SLC1A1: variants seen among roughly 807,000 people sequenced by gnomAD.
The protein encoded by SLC1A1 is excitatory amino acid transporter 3.
Under a neutral mutation model 53.3 loss-of-function variants are expected in SLC1A1, and 43 were observed. The observed-to-expected ratio is 0.81, with a 90% CI of 0.63 to 1.04. The LOEUF is 1.04. SLC1A1 is among the 50% of genes least tolerant of loss of function. The pLI, the probability that SLC1A1 is intolerant of heterozygous loss-of-function variation, is 0.00. For missense variants in SLC1A1, 748 were observed against 664.9 expected, an observed-to-expected ratio of 1.12 and a Z score of -1.37; for synonymous variants, 307 against 243.2, an observed-to-expected ratio of 1.26 and a Z score of -2.44.
At chr9:4,530,140 G>T (rs951578264) in intron 1 of SLC1A1, among the ~76,000 whole-genome samples, 2 of 152,054 alleles carry the variant, frequency 1.3e-5, no homozygotes, top group Non-Finnish European at 2.9e-5. Context: ...GGAAGGAGGA[G>T]GTTTGTGGAG....
intron 11 of SLC1A1, among the ~76,000 whole-genome samples, chr9:4,584,711 A>G (rs1208166491): frequency 6.6e-6 from 1 of 152,148 alleles, no homozygotes; most frequent in African/African-American, 2.4e-5. Context: ...GCTCTCTGGA[A>G]ATTAAGACTG....
At chr9:4,580,599 ATATGTGTGTGTGTGTGTG>A (rs1392533578) in intron 10 of SLC1A1, among the ~76,000 whole-genome samples, 2 of 51,052 alleles carry the variant, frequency 3.9e-5, no homozygotes, top group African/African-American at 8.2e-5. Flanking sequence ...AAAAAAATAT[ATATGTGTGTGTGTGTGTG>A]TGTGTGTGTG....
chr9:4,555,159 T>C (rs965950966), intron 2 of SLC1A1, among the ~76,000 whole-genome samples: 1 of 152,246 alleles, frequency 6.6e-6, no homozygotes, highest in Non-Finnish European at 1.5e-5. Context: ...GCCTTCTCTC[T>C]GCACAGGTGG....
chr9:4,550,985 G>A (rs1387900304), intron 2 of SLC1A1, among the ~76,000 whole-genome samples: 1 of 152,172 alleles, frequency 6.6e-6, no homozygotes, highest in Non-Finnish European at 1.5e-5. Flanking sequence ...CCAGCCAGGA[G>A]CTGACCCCTG....
intron 1 of SLC1A1, among the ~76,000 whole-genome samples, chr9:4,532,889 A>AG (rs1222785718): frequency 6.6e-6 from 1 of 152,224 alleles, no homozygotes; most frequent in East Asian, 1.9e-4. Context: ...ACAAGCCAGA[A>AG]GAGAGTGGGG....
At chr9:4,514,898 TTTACATTACA>T (rs1329522543) in intron 1 of SLC1A1, among the ~76,000 whole-genome samples, 1 of 152,146 alleles carries the variant, frequency 6.6e-6, no homozygotes, top group African/African-American at 2.4e-5. Flanking sequence ...CATCACTCAC[TTTACATTACA>T]TTACATTACT....
At position 4,549,794 on chromosome 9, in the gene SLC1A1, CTGGGTT is replaced by C. The variant is rs1817778647; in HGVS notation, c.232+5088_232+5093del. 7.2e-5 allele frequency among the ~76,000 whole-genome samples: 11 copies of C among 152,246 alleles called. No individual in the cohort carries two copies. The South Asian group carries it at 2.3e-3, about 32-fold the overall frequency. On this transcript the variant is annotated intron_variant, in intron 2 of 11. Transcript: ENST00000262352. The surrounding 1 kb of genome is among the most constrained non-coding windows in gnomAD (Gnocchi z 4.1). Reference sequence around the variant, plus strand: ...CATAGACTCCATACCATAGTACCTGCTGGGTTATTGCAACCACCCTGCTTGTAGAAC... The same window carrying C: ...CATAGACTCCATACCATAGTACCTGCATTGCAACCACCCTGCTTGTAGAAC...
intron 1 of SLC1A1, among the ~76,000 whole-genome samples, chr9:4,537,277 C>CTACAACATGGATGTACCTTGAAAACAT (rs1586725300): frequency 8.4e-5 from 10 of 119,504 alleles, no homozygotes; most frequent in South Asian, 2.3e-4. Flanking sequence ...AAATCACATG[C>CTACAACATGGATGTACCTTGAAAACAT]GGCCGGGCGC....
At chr9:4,509,120 G>A (rs1222843349) in intron 1 of SLC1A1, among the ~76,000 whole-genome samples, 2 of 152,134 alleles carry the variant, frequency 1.3e-5, no homozygotes, top group Non-Finnish European at 2.9e-5. Flanking sequence ...CAGAGATAGT[G>A]GCAAAGGGCT....
intron 1 of SLC1A1, among the ~76,000 whole-genome samples, chr9:4,501,356 G>A (rs1820625118): frequency 6.6e-6 from 1 of 151,310 alleles, no homozygotes. Context: ...CTTTGGGACT[G>A]GAACTTGGCT....
intron 1 of SLC1A1, among the ~76,000 whole-genome samples, chr9:4,526,148 C>G (rs931684849): frequency 6.6e-6 from 1 of 151,846 alleles, no homozygotes; most frequent in Non-Finnish European, 1.5e-5. Context: ...AACAAAAAAA[C>G]TCACAAAGAT....
In SLC1A1 at chr9:4,544,656, C is replaced by T. The variant is rs753768845; in HGVS notation, c.181C>T (p.Arg61Trp). The T allele has an allele frequency of 3.1e-6, 5 of 1,613,190 alleles. No individual in the cohort carries two copies. The highest frequency in any genetic ancestry group is 3.3e-5 in the Admixed American group (2 of 60,022). Residue 61 changes from arginine to tryptophan, a missense_variant, in exon 2 of 12, where the codon CGG becomes TGG. Physicochemically the swap from Arg to Trp is moderately radical, Grantham distance 101. Transcript: ENST00000262352. ...YFAFPGEILM[R>W]MLKLIILPLI... ...TGCTTTTCCTGGAGAAATTCTAATGCGGATGCTGAAACTCATCATTTTGCC... is the reference window on the plus strand; with the variant it reads ...TGCTTTTCCTGGAGAAATTCTAATGTGGATGCTGAAACTCATCATTTTGCC...
chr9:4,563,148 A>AAG (rs570080635), intron 3 of SLC1A1, among the ~76,000 whole-genome samples: 139 of 149,448 alleles, frequency 9.3e-4, no homozygotes, highest in Non-Finnish European at 1.8e-3. Flanking sequence ...GAGAGAGAGA[A>AAG]AAAAAAAAAA....
At chr9:4,490,843 G>A (rs756279774) in intron 1 of SLC1A1, 73 bp downstream of exon 1, 2 of 1,316,892 alleles carry the variant, frequency 1.5e-6, no homozygotes, top group African/African-American at 2.9e-5. Context: ...TGCGGCTGAG[G>A]GTGGGCTTGG....
chr9:4,548,285 G>A (rs1408176723), intron 2 of SLC1A1, among the ~76,000 whole-genome samples: 1 of 152,140 alleles, frequency 6.6e-6, no homozygotes, highest in Non-Finnish European at 1.5e-5. Context: ...AAAACACACA[G>A]GAAGGGCCAT....
rs113040087 is a variant in SLC1A1 at position 4,556,769 on chromosome 9, T to G, written c.233-4680T>G. 0.015 allele frequency among the ~76,000 whole-genome samples: 2,325 copies of G among 152,192 alleles called. 32 individuals carry two copies. Among genetic ancestry groups the G allele is most frequent in the Non-Finnish European group, 0.023 (1,538 of 68,010 alleles). On this transcript the variant is annotated intron_variant, in intron 2 of 11. Transcript: ENST00000262352. This position sits in a 1 kb window ranked among gnomAD's most constrained non-coding sequence, Gnocchi z 4.1. Reference sequence around the variant, plus strand: ...CCAAGGCAGCAAAAGCTGTTTTTATTTGGTGGTGGTGAGTTGGGGGAGAAA... The same window carrying G: ...CCAAGGCAGCAAAAGCTGTTTTTATGTGGTGGTGGTGAGTTGGGGGAGAAA...
chr9:4,497,806 T>C (rs546579786), intron 1 of SLC1A1, among the ~76,000 whole-genome samples: 1 of 152,222 alleles, frequency 6.6e-6, no homozygotes, highest in South Asian at 2.1e-4. Flanking sequence ...CTTAACTGTT[T>C]TTTTAATTTT....
intron 1 of SLC1A1, among the ~76,000 whole-genome samples, chr9:4,534,767 T>C (rs1434999619): frequency 6.6e-6 from 1 of 152,062 alleles, no homozygotes; most frequent in Admixed American, 6.6e-5. Flanking sequence ...AAGAGAATTT[T>C]AGACCAATAT....
At chr9:4,567,625 A>T (rs778099740) in intron 5 of SLC1A1, 44 bp from the exon 6 acceptor site, 42 of 1,322,042 alleles carry the variant, frequency 3.2e-5, no homozygotes, top group Non-Finnish European at 4.1e-5. Context: ...CTTAAAAAAA[A>T]TTCTTTTTTT....
Sources: allele counts gnomAD v4.1 joint callset (sites outside exome capture counted in the v4.1 genomes callset), GRCh38; gene constraint gnomAD v4.1.1; non-coding constraint Gnocchi (gnomAD v3.1); transcripts MANE v1.5; gene names NCBI Gene and HGNC (gene_info 2026-07-23, HGNC 2026-07-21).